Variants in AGR3 observed in about 807,000 individuals in gnomAD.
AGR3 encodes the protein anterior gradient protein 3.
A neutral mutation model predicts 24.5 loss-of-function variants in AGR3; 37 were observed. That is an observed-to-expected ratio of 1.51 (90% CI 1.16 to 1.99). The LOEUF (loss-of-function observed/expected upper bound fraction) is 1.99. AGR3 is among the 30% of genes most tolerant of loss of function. AGR3 has a pLI of 0.00. For missense variants in AGR3, 228 were observed against 191.1 expected, an observed-to-expected ratio of 1.19 and a Z score of -1.14; for synonymous variants, 75 against 61.6, an observed-to-expected ratio of 1.22 and a Z score of -1.02.
chr7:16,855,767 C>T (rs1311912110), downstream of AGR3, among the ~76,000 whole-genome samples: 1 of 152,138 alleles, frequency 6.6e-6, no homozygotes, highest in Non-Finnish European at 1.5e-5. Flanking sequence ...TACTTGTAAA[C>T]TCAAGTAATC....
chr7:16,860,410 T>C (rs746449166), intron 7 of AGR3, 90 bp downstream of exon 7: 2 of 959,588 alleles, frequency 2.1e-6, no homozygotes, highest in African/African-American at 1.6e-5. Context: ...GACTGGTGTG[T>C]AGAAGCACTG....
chr7:16,854,998 A>G (rs73080180), downstream of AGR3, among the ~76,000 whole-genome samples: 43,324 of 152,034 alleles, frequency 0.28, 6,443 homozygotes, highest in South Asian at 0.39. Context: ...TTTCCTTTAG[A>G]AAATTTAATT....
At chr7:16,860,258 A>G (rs1003561891) in intron 7 of AGR3, among the ~76,000 whole-genome samples, 1 of 152,134 alleles carries the variant, frequency 6.6e-6, no homozygotes, top group African/African-American at 2.4e-5. Context: ...AATGTGTACT[A>G]TATTCTTTTT....
At chr7:16,859,669 A>G in intron 7 of AGR3, 38 bp from the exon 8 acceptor site, 1 of 1,309,554 alleles carries the variant, frequency 7.6e-7, no homozygotes, top group South Asian at 1.4e-5. Flanking sequence ...CTATTAATAA[A>G]TGAAAGTACA....
intron 3 of AGR3, chr7:16,865,658 C>A: frequency 1.3e-6 from 1 of 796,644 alleles, no homozygotes; most frequent in East Asian, 2.5e-5. Flanking sequence ...CTTATCAGTT[C>A]TCAGATGATC....
chr7:16,861,440 G>C lies in AGR3; in HGVS notation c.311C>G (p.Thr104Ser). The C allele has an allele frequency of 6.2e-7, 1 of 1,609,904 alleles. No individual in the cohort carries two copies. The highest frequency in any genetic ancestry group is 8.5e-7 in the Non-Finnish European group (1 of 1,177,804). The change falls in exon 6 of 8, where the codon ACC becomes AGC. Residue 104 changes from threonine to serine, a missense_variant. Transcript: ENST00000310398. ...ATCAGGTGATAAATTCTTATCAGTG[G>C]TTTCATGCTAGCAGGAGAAGAAAAA... ...KFIMLNLMHETTDKNLSPDGQ... is the reference protein window; with the variant it reads ...KFIMLNLMHESTDKNLSPDGQ...
intron 1 of AGR3, among the ~76,000 whole-genome samples, chr7:16,880,335 A>G (rs1429055940): frequency 2.6e-5 from 4 of 151,564 alleles, no homozygotes; most frequent in African/African-American, 9.7e-5. Context: ...TAATTTTTGT[A>G]TTTTTAGTAG....
At chr7:16,871,471 T>G (rs1423837440) in intron 3 of AGR3, among the ~76,000 whole-genome samples, 1 of 151,978 alleles carries the variant, frequency 6.6e-6, no homozygotes, top group Non-Finnish European at 1.5e-5. Context: ...AAAATCAACA[T>G]GCAAAACCAG....
At chr7:16,866,529 T>A (rs1197680141) in intron 3 of AGR3, among the ~76,000 whole-genome samples, 2 of 152,156 alleles carry the variant, frequency 1.3e-5, no homozygotes, top group Non-Finnish European at 2.9e-5. Flanking sequence ...CATTTATAAT[T>A]CTGATATATA....
rs3052034 is a variant in AGR3 at position 16,880,108 on chromosome 7, TTTCC to T, written c.-27-1467_-27-1464del. ...TTCCCCTTCCTTCCTTCCTTCCTTC[TTTCC>T]TTCCTTCCTTCCTTCCTCTTTCTCT... On this transcript the variant is annotated intron_variant, in intron 1 of 7. Transcript: ENST00000310398. Among the ~76,000 whole-genome samples the T allele has an allele frequency of 5.3e-3, 718 of 135,710 alleles. 3 individuals are homozygous for T. Among genetic ancestry groups the T allele is most frequent in the Middle Eastern group, 0.034 (9 of 268 alleles). The allele number at this position is 135,710 out of a possible 152,430, so 89.0% of individuals were successfully genotyped here.
At chr7:16,861,690 C>G (rs535160125) in intron 5 of AGR3, among the ~76,000 whole-genome samples, 41 of 151,650 alleles carry the variant, frequency 2.7e-4, no homozygotes, top group Non-Finnish European at 4.9e-4. Flanking sequence ...CACCTGAGGT[C>G]AGGAGTTTGA....
chr7:16,862,242 C>T (rs942309729), intron 4 of AGR3, among the ~76,000 whole-genome samples, 182 bp from the exon 5 acceptor site: 4 of 152,134 alleles, frequency 2.6e-5, no homozygotes, highest in African/African-American at 9.7e-5. Context: ...ACAGTCTGTT[C>T]AAGGAGACAT....
chr7:16,865,161 T>C (rs111621282), intron 3 of AGR3: 21 of 741,494 alleles, frequency 2.8e-5, no homozygotes, highest in African/African-American at 1.1e-4. Context: ...AGCTTGGACC[T>C]CTTGACTTTC....
intron 2 of AGR3, among the ~76,000 whole-genome samples, chr7:16,877,401 C>T (rs1051572209): frequency 6.7e-6 from 1 of 149,962 alleles, no homozygotes; most frequent in African/African-American, 2.4e-5. Flanking sequence ...TTATTCAAAA[C>T]TAGCAGTATT....
chr7:16,864,516 C>T (rs1039420574), intron 3 of AGR3: 9 of 1,277,266 alleles, frequency 7.0e-6, no homozygotes, highest in Middle Eastern at 1.9e-4. Context: ...TCAGGGCTTC[C>T]ATTTTCAGTC....
chr7:16,861,564 C>A, intron 5 of AGR3, 117 bp from the exon 6 acceptor site: 1 of 791,286 alleles, frequency 1.3e-6, no homozygotes. Context: ...TTCCATACAA[C>A]TTTCTGTATT....
At chr7:16,880,443 G>T (rs183254471) in intron 1 of AGR3, among the ~76,000 whole-genome samples, 153 of 149,718 alleles carry the variant, frequency 1.0e-3, no homozygotes, top group African/African-American at 3.6e-3. Flanking sequence ...TTACAAGGGT[G>T]AGCTACATCG....
intron 3 of AGR3, among the ~76,000 whole-genome samples, chr7:16,867,445 A>G (rs560863299): frequency 2.0e-5 from 3 of 152,290 alleles, no homozygotes; most frequent in South Asian, 2.1e-4. Context: ...TGATATATGG[A>G]TATGTTGTAC....
rs200648639 is a variant in AGR3 at position 16,861,387 on chromosome 7, C to T, written c.364G>A (p.Val122Ile). 14 of 1,606,532 alleles carry T rather than the reference C, an allele frequency of 8.7e-6. No individual in the cohort carries two copies. In the African/African-American group the frequency reaches 1.7e-4, roughly 20 times the overall value. Residue 122 changes from valine (V) to isoleucine (I), a missense_variant, in exon 6 of 8, where the codon GTA becomes ATA. By Grantham distance (29) the Val-to-Ile change is conservative. Transcript: ENST00000310398. ...DGQYVPRIMFVDPSLTVRADI... is the reference protein window; with the variant it reads ...DGQYVPRIMFIDPSLTVRADI... Reference sequence around the variant, plus strand: ...TGAAATGAGATCACATACATACCTACAAACATGATTCTAGGCACATATTGC... The same window carrying T: ...TGAAATGAGATCACATACATACCTATAAACATGATTCTAGGCACATATTGC...
Sources: allele counts gnomAD v4.1 joint callset (sites outside exome capture counted in the v4.1 genomes callset), GRCh38; gene constraint gnomAD v4.1.1; transcripts MANE v1.5; gene names NCBI Gene and HGNC (gene_info 2026-07-23, HGNC 2026-07-21).